The following LYST variants were observed in gnomAD, a reference collection of about 807,000 sequenced individuals.
LYST encodes the protein lysosomal-trafficking regulator.
Under a neutral mutation model 413.6 loss-of-function variants are expected in LYST, and 192 were observed. The ratio of observed to expected loss-of-function variants is 0.46; its 90% CI spans 0.41 to 0.52. LYST has a LOEUF of 0.52. LYST is among the 20% of genes least tolerant of loss of function. The pLI, the probability that LYST is intolerant of heterozygous loss-of-function variation, is 0.00. For synonymous variants in LYST, 1,525 were observed against 1,567.3 expected (o/e 0.97, Z 0.64); for missense variants, 3,815 against 4,499.9 (o/e 0.85, Z 4.35).
chr1:235,770,687 C>A (rs1278593594), intron 19 of LYST, among the ~76,000 whole-genome samples: 1 of 152,156 alleles, frequency 6.6e-6, no homozygotes, highest in Non-Finnish European at 1.5e-5. Flanking sequence ...TACCAATCTG[C>A]ATATGCAGCA....
chr1:235,759,692 C>T lies in LYST; in HGVS notation c.6254-93G>A. ...ATAAATCACAACCACAGCAAAAGCC[C>T]ATTTATCTAGCACTGTTAAAATCCA... On this transcript the variant is annotated intron_variant, in intron 22 of 52. Coordinates refer to ENST00000389793, the MANE Select transcript of LYST (RefSeq NM_000081.4). 1.8e-5 allele frequency: 16 copies of T among 897,656 alleles called. No individual in the cohort carries two copies. The Admixed American group carries it at 2.9e-4, about 16-fold the overall frequency. 55.6% of individuals were successfully genotyped at this position (897,656 alleles called of 1,614,324 possible).
At chr1:235,736,972 CAT>C (rs1664877340) in intron 31 of LYST, 5 of 152,052 alleles carry the variant, frequency 3.3e-5, no homozygotes, top group African/African-American at 1.2e-4. Flanking sequence ...AGACATTTCA[CAT>C]GATTAAAAAC....
chr1:235,866,820 C>T (rs946150901), intron 1 of LYST, 23 bp downstream of exon 1: 1 of 152,690 alleles, frequency 6.5e-6, no homozygotes, highest in African/African-American at 2.4e-5. Context: ...CCGGCAGCGT[C>T]GGCGCCCGGC....
At chr1:235,737,025 A>G (rs1387173362) in intron 31 of LYST, 1 of 150,842 alleles carries the variant, frequency 6.6e-6, no homozygotes, top group Non-Finnish European at 1.5e-5. Context: ...GAATCCCAAA[A>G]AACTATAAAA....
At position 235,677,142 on chromosome 1, in the gene LYST, C is replaced by A; in HGVS notation, c.10987G>T (p.Ala3663Ser). The A allele has an allele frequency of 6.2e-7, 1 of 1,614,028 alleles. No individual in the cohort carries two copies. Among genetic ancestry groups the A allele is most frequent in the Non-Finnish European group, 8.5e-7 (1 of 1,179,928 alleles). Residue 3663 changes from alanine to serine, a missense_variant, in exon 50 of 53, where the codon GCT (alanine) becomes TCT (serine). Transcript: ENST00000389793. The part of the protein sequence containing the change: ...SLAGHKSPVT[A>S]VSASETSGDI... Reference sequence around the variant, plus strand: ...CCTGAGGTTTCACTGGCAGAGACAGCTGTGACAGGGCTTTTGTGTCCCGCC... The same window carrying A: ...CCTGAGGTTTCACTGGCAGAGACAGATGTGACAGGGCTTTTGTGTCCCGCC...
chr1:235,807,839 AAATAT>A (rs1673038929), intron 5 of LYST, among the ~76,000 whole-genome samples: 3 of 152,138 alleles, frequency 2.0e-5, no homozygotes, highest in Admixed American at 6.5e-5. Context: ...TTATAAATGT[AAATAT>A]AATATTTTAA....
chr1:235,760,781 T>C (rs1160350799), intron 22 of LYST, among the ~76,000 whole-genome samples: 1 of 152,222 alleles, frequency 6.6e-6, no homozygotes, highest in African/African-American at 2.4e-5. Flanking sequence ...GGCAATAAAA[T>C]AGCTCCATAG....
At chr1:235,818,684 GTCC>G (rs1477382408) in intron 3 of LYST, among the ~76,000 whole-genome samples, 1 of 151,854 alleles carries the variant, frequency 6.6e-6, no homozygotes, top group Admixed American at 6.6e-5. Context: ...TTCCGGTAGA[GTCC>G]TCCTAATCTG....
rs147919836 is a variant in LYST, at chr1:235,804,354, C to G, written c.3555+150G>C. On this transcript the variant is annotated intron_variant, in intron 7 of 52. Coordinates refer to ENST00000389793, the MANE Select transcript of LYST (RefSeq NM_000081.4). Reference sequence around the variant, plus strand: ...AAATACTGTCCATCCCATCACATATCCATCACGAGGAGATAAGATCCACTG... The same window carrying G: ...AAATACTGTCCATCCCATCACATATGCATCACGAGGAGATAAGATCCACTG... 6 of 712,314 alleles carry G rather than the reference C, an allele frequency of 8.4e-6. No homozygotes were observed. The East Asian group carries it at 1.5e-4, about 18-fold the overall frequency. The allele number at this position is 712,314 out of a possible 1,614,324, so 44.1% of individuals were successfully genotyped here.
At chr1:235,827,871 T>C in intron 3 of LYST, 4 of 756,548 alleles carry the variant, frequency 5.3e-6, no homozygotes, top group Non-Finnish European at 6.4e-6. Flanking sequence ...AAATACCGTA[T>C]TTGGAATCCA....
At chr1:235,676,364 A>G (rs963586119) in intron 50 of LYST, among the ~76,000 whole-genome samples, 5 of 152,170 alleles carry the variant, frequency 3.3e-5, no homozygotes, top group African/African-American at 1.2e-4. Flanking sequence ...TCAAACAAGA[A>G]TGGAGTAGTC....
At chr1:235,780,712 C>A (rs1418398565) in intron 16 of LYST, among the ~76,000 whole-genome samples, 153 bp downstream of exon 16, 2 of 151,712 alleles carry the variant, frequency 1.3e-5, no homozygotes, top group Admixed American at 1.3e-4. Flanking sequence ...CAAAGTGTTT[C>A]AATTTTTTTC....
At chr1:235,779,865 A>G (rs1429379488) in intron 16 of LYST, among the ~76,000 whole-genome samples, 1 of 152,196 alleles carries the variant, frequency 6.6e-6, no homozygotes, top group Non-Finnish European at 1.5e-5. Context: ...TGTACTTCTC[A>G]TAAGAAGCAA....
At chr1:235,832,172 C>T (rs1676068792) in intron 2 of LYST, among the ~76,000 whole-genome samples, 1 of 152,186 alleles carries the variant, frequency 6.6e-6, no homozygotes, top group Admixed American at 6.5e-5. Context: ...TTTAAAAACT[C>T]AACAGGTATA....
At chr1:235,673,293 C>G (rs1200451785) in intron 50 of LYST, among the ~76,000 whole-genome samples, 1 of 152,024 alleles carries the variant, frequency 6.6e-6, no homozygotes, top group Non-Finnish European at 1.5e-5. Flanking sequence ...CAAGCTCACC[C>G]CAAAATATTA....
In LYST at chr1:235,809,171, G is replaced by A. The variant is rs1323351736; in HGVS notation, c.1647C>T (p.Cys549=). The change falls in exon 5 of 53, where the codon TGC becomes TGT. Residue 549 remains cysteine (C), a synonymous_variant. Transcript: ENST00000389793. The surrounding 1 kb of genome is among the most constrained non-coding windows in gnomAD (Gnocchi z 4.0). The part of the protein sequence containing the change: ...GDVYYPERCC[C]IAVCAHQCLR... ...AGCACTGATGGGCACACACTGCAAT[G>A]CAACAGCACCGCTCAGGATAATAAA... is the stretch of plus-strand genomic sequence containing the variant. 9 of 1,614,028 alleles carry A rather than the reference G, an allele frequency of 5.6e-6. No homozygotes were observed. The South Asian group carries it at 7.7e-5, about 14-fold the overall frequency.
intron 31 of LYST, 75 bp downstream of exon 31, chr1:235,741,347 T>C: frequency 4.9e-6 from 6 of 1,233,002 alleles, no homozygotes; most frequent in Non-Finnish European, 7.2e-6. Context: ...TTCAGTTTAA[T>C]TTCAGTTCTT....
intron 21 of LYST, 77 bp from the exon 22 acceptor site, chr1:235,762,928 A>G: frequency 9.3e-7 from 1 of 1,075,740 alleles, no homozygotes; most frequent in Non-Finnish European, 1.4e-6. Context: ...AAAGCAGATC[A>G]TTAAATTCAA....
At position 235,742,528 on chromosome 1, in the gene LYST, C is replaced by T. The variant is rs567994626; in HGVS notation, c.8152-900G>A. Among the ~76,000 whole-genome samples, 143 of 150,948 alleles carry T rather than the reference C, an allele frequency of 9.5e-4. 1 individual carries two copies. Among genetic ancestry groups the T allele is most frequent in the Non-Finnish European group, 1.8e-3 (120 of 67,824 alleles). ...AACAATGTGAATATACTTAGTGCCA[C>T]TGAATGTATCCTTAAAAATGGTTAA... On this transcript the variant is annotated intron_variant, in intron 30 of 52. Coordinates refer to ENST00000389793, the MANE Select transcript of LYST (RefSeq NM_000081.4).
Sources: gnomAD v4.1 joint callset for allele counts (sites outside exome capture counted in the v4.1 genomes callset) on GRCh38, gnomAD v4.1.1 for gene constraint, Gnocchi (gnomAD v3.1) non-coding constraint, MANE v1.5 for transcripts, NCBI Gene and HGNC (gene_info 2026-07-23, HGNC 2026-07-21) for gene names.